The following DLGAP1 variants were observed in gnomAD, a reference collection of about 807,000 sequenced individuals.
DLGAP1 encodes DLG associated protein 1, also known as disks large-associated protein 1.
Under a neutral mutation model 90.8 loss-of-function variants are expected in DLGAP1, and 11 were observed. That is an observed-to-expected ratio of 0.12 (90% CI 0.08 to 0.20). DLGAP1 has a LOEUF of 0.20. DLGAP1 is among the 10% of genes least tolerant of loss of function. DLGAP1 has a pLI of 1.00. For missense variants in DLGAP1, 1,050 were observed against 1,333.8 expected, an observed-to-expected ratio of 0.79 and a Z score of 3.31; for synonymous variants, 558 against 540.7, an observed-to-expected ratio of 1.03 and a Z score of -0.44.
At chr18:3,791,560 G>A (rs1161883573) in intron 5 of DLGAP1, among the ~76,000 whole-genome samples, 2 of 152,044 alleles carry the variant, frequency 1.3e-5, no homozygotes, top group Non-Finnish European at 2.9e-5. Flanking sequence ...GTTAGACAGG[G>A]AAAGAGATGG....
chr18:4,412,856 A>T (rs2082809034), intron 1 of DLGAP1, among the ~76,000 whole-genome samples: 1 of 152,234 alleles, frequency 6.6e-6, no homozygotes, highest in Non-Finnish European at 1.5e-5. Flanking sequence ...CCTGGATAAT[A>T]CATGATTTGC....
At chr18:4,151,846 A>G (rs11872460) in intron 1 of DLGAP1, among the ~76,000 whole-genome samples, 29,921 of 152,108 alleles carry the variant, frequency 0.2, 3,804 homozygotes, top group East Asian at 0.54. Flanking sequence ...AATTAGGACA[A>G]ATACCTAATG....
chr18:4,024,337 C>T (rs1183989319), intron 2 of DLGAP1, among the ~76,000 whole-genome samples: 2 of 152,252 alleles, frequency 1.3e-5, no homozygotes, highest in South Asian at 2.1e-4. Context: ...CTCCCATCCT[C>T]GTAGGATCCC....
At chr18:4,351,097 A>AC (rs1206342017) in intron 1 of DLGAP1, among the ~76,000 whole-genome samples, 2 of 152,202 alleles carry the variant, frequency 1.3e-5, no homozygotes, top group Non-Finnish European at 2.9e-5. Flanking sequence ...AGAAAATGCT[A>AC]CCTTAGCACT....
intron 1 of DLGAP1, among the ~76,000 whole-genome samples, chr18:4,395,264 A>C (rs750190418): frequency 4.6e-5 from 7 of 152,226 alleles, no homozygotes; most frequent in Non-Finnish European, 8.8e-5. Context: ...ATTAACTTTT[A>C]TGTAATATTT....
chr18:3,730,356 C>A (rs2062380183), intron 6 of DLGAP1, among the ~76,000 whole-genome samples: 1 of 151,922 alleles, frequency 6.6e-6, no homozygotes, highest in Non-Finnish European at 1.5e-5. Context: ...GGAAAAAAAT[C>A]TTTGAAATGG....
chr18:3,503,374 G>T (rs1052943884), intron 11 of DLGAP1, among the ~76,000 whole-genome samples: 8 of 152,176 alleles, frequency 5.3e-5, no homozygotes, highest in African/African-American at 1.9e-4. Context: ...ACATTCTTCA[G>T]TGTTTCAGGA....
chr18:4,073,172 C>T (rs2143497069), intron 2 of DLGAP1, among the ~76,000 whole-genome samples: 1 of 152,260 alleles, frequency 6.6e-6, no homozygotes, highest in Middle Eastern at 3.4e-3. Flanking sequence ...ATGACATCAG[C>T]CTGCTTACTA....
intron 1 of DLGAP1, among the ~76,000 whole-genome samples, chr18:4,437,694 T>G (rs280998): frequency 1 from 152,253 of 152,284 alleles, 76,111 homozygotes; most frequent in Non-Finnish European, 1. Context: ...GGTATAATCT[T>G]GGTTTTGTTT....
chr18:3,760,171 T>TG (rs757158069), intron 5 of DLGAP1, among the ~76,000 whole-genome samples: 13 of 152,144 alleles, frequency 8.5e-5, no homozygotes, highest in South Asian at 4.1e-4. Context: ...TATGTAAGTG[T>TG]GTGGGGGGCA....
intron 1 of DLGAP1, among the ~76,000 whole-genome samples, chr18:4,244,136 C>A (rs904467755): frequency 6.6e-6 from 1 of 152,098 alleles, no homozygotes; most frequent in African/African-American, 2.4e-5. Flanking sequence ...ATAGTCCATT[C>A]TATCAAGATA....
rs547916574 is a variant in DLGAP1 at position 4,169,821 on chromosome 18, C to G, written c.-266-18534G>C. Among the ~76,000 whole-genome samples, 7 of 152,298 alleles carry G rather than the reference C, an allele frequency of 4.6e-5. No individual in the cohort carries two copies. The East Asian group carries it at 1.4e-3, about 29-fold the overall frequency. On this transcript the variant is annotated intron_variant, in intron 1 of 12. Coordinates refer to ENST00000315677, the MANE Select transcript of DLGAP1 (RefSeq NM_004746.4). ...GCCATTGTAAAGTAGTGACTTAACC[C>G]TTTATAAGACTCAGTTGTCTCAGGT...
At chr18:3,773,498 A>G (rs1161015684) in intron 5 of DLGAP1, among the ~76,000 whole-genome samples, 4 of 152,204 alleles carry the variant, frequency 2.6e-5, no homozygotes, top group Non-Finnish European at 4.4e-5. Context: ...TTAATAGTTT[A>G]TTGTTATTCA....
chr18:3,763,659 CT>C (rs796256395), intron 5 of DLGAP1, among the ~76,000 whole-genome samples: 24 of 147,700 alleles, frequency 1.6e-4, no homozygotes, highest in Admixed American at 4.1e-4. Flanking sequence ...AAAGGCCTAT[CT>C]TTTTTTTTTC....
intron 2 of DLGAP1, among the ~76,000 whole-genome samples, chr18:4,111,911 C>T (rs2075979594): frequency 6.6e-6 from 1 of 150,770 alleles, no homozygotes; most frequent in Non-Finnish European, 1.5e-5. Flanking sequence ...TGATTTTTCT[C>T]TTTTGTTTTT....
intron 1 of DLGAP1, among the ~76,000 whole-genome samples, chr18:4,333,542 A>G (rs2080997946): frequency 6.6e-6 from 1 of 151,690 alleles, no homozygotes; most frequent in Non-Finnish European, 1.5e-5. Context: ...TAGATTAAAA[A>G]AAAAAGAAGC....
chr18:3,922,326 G>A (rs896262912), intron 3 of DLGAP1, among the ~76,000 whole-genome samples: 5 of 152,176 alleles, frequency 3.3e-5, no homozygotes, highest in African/African-American at 9.7e-5. Context: ...AAGGAGAGGT[G>A]CCCGGCATTA....
intron 1 of DLGAP1, among the ~76,000 whole-genome samples, chr18:4,390,197 T>G (rs1169136825): frequency 2.0e-5 from 3 of 152,122 alleles, no homozygotes; most frequent in Non-Finnish European, 4.4e-5. Flanking sequence ...CTCCCCCTTT[T>G]TTCTTAATTA....
chr18:3,874,415 A>C, intron 4 of DLGAP1: 1 of 1,441,564 alleles, frequency 6.9e-7, no homozygotes, highest in Non-Finnish European at 9.1e-7. Flanking sequence ...TTTTAGGTTA[A>C]CAGTTGGAAA....
Sources: allele counts gnomAD v4.1 joint callset (sites outside exome capture counted in the v4.1 genomes callset), GRCh38; gene constraint gnomAD v4.1.1; transcripts MANE v1.5; gene names NCBI Gene and HGNC (gene_info 2026-07-23, HGNC 2026-07-21).